The following PTPRD variants were observed in gnomAD, a reference collection of about 807,000 sequenced individuals.
PTPRD encodes the protein receptor-type tyrosine-protein phosphatase delta.
Under a neutral mutation model 214.5 loss-of-function variants are expected in PTPRD, and 34 were observed. That is an observed-to-expected ratio of 0.16 (90% CI 0.12 to 0.21). PTPRD has a LOEUF of 0.21. Among genes scored for constraint, PTPRD ranks in the 10% least tolerant of loss-of-function variants. The pLI, the probability that PTPRD is intolerant of heterozygous loss-of-function variation, is 1.00. For synonymous variants in PTPRD, 1,128 were observed against 845.7 expected (o/e 1.33, Z -5.79); for missense variants, 2,545 against 2,398.7 (o/e 1.06, Z -1.27).
At chr9:10,393,965 A>T (rs1181082820) in intron 2 of PTPRD, among the ~76,000 whole-genome samples, 1 of 148,036 alleles carries the variant, frequency 6.8e-6, no homozygotes, top group Non-Finnish European at 1.5e-5. Flanking sequence ...AACTCTTAGG[A>T]TACAGCTGTG....
intron 7 of PTPRD, among the ~76,000 whole-genome samples, chr9:9,716,134 G>A (rs1207548500): frequency 6.6e-6 from 1 of 151,956 alleles, no homozygotes; most frequent in African/African-American, 2.4e-5. Context: ...ATAGTTTACT[G>A]AGAATGATTA....
At chr9:8,901,837 C>A (rs755040838) in intron 11 of PTPRD, among the ~76,000 whole-genome samples, 2 of 152,168 alleles carry the variant, frequency 1.3e-5, no homozygotes, top group Non-Finnish European at 1.5e-5. Context: ...CAAAAATAGT[C>A]ATACTAATGA....
chr9:8,525,470 G>C (rs1020699124), intron 17 of PTPRD, among the ~76,000 whole-genome samples: 1 of 152,080 alleles, frequency 6.6e-6, no homozygotes, highest in African/African-American at 2.4e-5. Flanking sequence ...TTTCAAGAAA[G>C]TCTTCTGCTG....
chr9:9,893,709 A>T (rs1424627641), intron 5 of PTPRD, among the ~76,000 whole-genome samples: 2 of 152,128 alleles, frequency 1.3e-5, no homozygotes, highest in Non-Finnish European at 2.9e-5. Flanking sequence ...ATCCTTCCCA[A>T]TGACTTTTAA....
intron 9 of PTPRD, among the ~76,000 whole-genome samples, chr9:9,195,438 T>C (rs2099937984): frequency 2.0e-5 from 3 of 152,090 alleles, no homozygotes; most frequent in East Asian, 1.9e-4. Flanking sequence ...TACAGGCCAA[T>C]TGGTCATATC....
chr9:8,642,845 TGACA>T (rs2096607251), intron 12 of PTPRD, among the ~76,000 whole-genome samples: 2 of 152,196 alleles, frequency 1.3e-5, no homozygotes. Context: ...ACAAGGGTAG[TGACA>T]GACAACCTGC....
intron 5 of PTPRD, among the ~76,000 whole-genome samples, chr9:9,825,698 C>G (rs1029398062): frequency 3.3e-5 from 5 of 151,892 alleles, no homozygotes; most frequent in African/African-American, 1.2e-4. Context: ...GTTTTCTGTG[C>G]CCTTAACAAC....
At chr9:9,762,152 T>C (rs1332557674) in intron 6 of PTPRD, among the ~76,000 whole-genome samples, 1 of 152,198 alleles carries the variant, frequency 6.6e-6, no homozygotes, top group Non-Finnish European at 1.5e-5. Flanking sequence ...TTGTCTGACC[T>C]GTTGAAACTG....
chr9:10,537,125 C>A (rs1022232071), intron 2 of PTPRD, among the ~76,000 whole-genome samples: 1 of 151,986 alleles, frequency 6.6e-6, no homozygotes. Flanking sequence ...ACTATTGTCA[C>A]CAAATAAAGA....
intron 2 of PTPRD, among the ~76,000 whole-genome samples, chr9:10,430,077 T>C (rs1197227266): frequency 6.6e-6 from 1 of 152,010 alleles, no homozygotes; most frequent in African/African-American, 2.4e-5. Flanking sequence ...AAGAGTTATG[T>C]TCTCCATAAA....
At chr9:9,970,134 C>G (rs2094986169) in intron 4 of PTPRD, among the ~76,000 whole-genome samples, 1 of 152,016 alleles carries the variant, frequency 6.6e-6, no homozygotes. Context: ...TAATGAGGAA[C>G]CAGCAAACCA....
chr9:10,558,027 A>G (rs974728912), intron 2 of PTPRD, among the ~76,000 whole-genome samples: 3 of 152,112 alleles, frequency 2.0e-5, no homozygotes, highest in African/African-American at 7.2e-5. Flanking sequence ...TGGCCCCTGC[A>G]TTTTCATTTC....
At chr9:9,139,078 C>T (rs2099855804) in intron 10 of PTPRD, among the ~76,000 whole-genome samples, 1 of 152,092 alleles carries the variant, frequency 6.6e-6, no homozygotes, top group African/African-American at 2.4e-5. Context: ...TCTATTCTTA[C>T]TAGCTATGCA....
intron 10 of PTPRD, among the ~76,000 whole-genome samples, chr9:9,180,370 T>C (rs540328128): frequency 4.8e-5 from 7 of 147,196 alleles, no homozygotes; most frequent in Admixed American, 1.4e-4. Context: ...TACCGCATAT[T>C]CTCACTCGTA....
intron 4 of PTPRD, among the ~76,000 whole-genome samples, chr9:10,031,574 G>A (rs1329614911): frequency 6.8e-6 from 1 of 147,352 alleles, no homozygotes; most frequent in Non-Finnish European, 1.5e-5. Flanking sequence ...CTTGCAGACA[G>A]CATATTGTGG....
chr9:10,594,425 G>C (rs1002663505), intron 2 of PTPRD, among the ~76,000 whole-genome samples: 2 of 151,938 alleles, frequency 1.3e-5, no homozygotes, highest in African/African-American at 4.8e-5. Flanking sequence ...TACCAAATCA[G>C]TCTAAATGCA....
intron 9 of PTPRD, among the ~76,000 whole-genome samples, chr9:9,268,775 T>C (rs1941385004): frequency 6.7e-6 from 1 of 149,602 alleles, no homozygotes; most frequent in Non-Finnish European, 1.5e-5. Flanking sequence ...GTGTCTTCAA[T>C]TATGGTGCCA....
intron 2 of PTPRD, among the ~76,000 whole-genome samples, chr9:10,411,050 A>T (rs1164261392): frequency 1.3e-5 from 2 of 151,780 alleles, no homozygotes; most frequent in African/African-American, 4.8e-5. Flanking sequence ...ATGCTAAGAG[A>T]TCAGCAAATG....
chr9:9,769,139 G>C (rs1332699260), intron 5 of PTPRD, among the ~76,000 whole-genome samples: 1 of 150,184 alleles, frequency 6.7e-6, no homozygotes, highest in Non-Finnish European at 1.5e-5. Flanking sequence ...TAACAACAAG[G>C]AAAGAAGAAA....
Sources: gnomAD v4.1 joint callset for allele counts (sites outside exome capture counted in the v4.1 genomes callset) on GRCh38, gnomAD v4.1.1 for gene constraint, MANE v1.5 for transcripts, NCBI Gene and HGNC (gene_info 2026-07-23, HGNC 2026-07-21) for gene names.